FBXL13: variants seen among roughly 807,000 people sequenced by gnomAD.
FBXL13 encodes F-box and leucine-rich repeat protein 13.
FBXL13 carries 67 observed loss-of-function variants against 83.6 expected under a neutral mutation model. The ratio of observed to expected loss-of-function variants is 0.80; its 90% CI spans 0.66 to 0.98. The LOEUF is 0.98. Among genes scored for constraint, FBXL13 ranks in the 50% least tolerant of loss-of-function variants. The probability of loss-of-function intolerance (pLI) is 0.00; values close to 1 mark genes in which losing one functional copy is unlikely to be tolerated. For synonymous variants in FBXL13, 272 were observed against 299.5 expected (o/e 0.91, Z 0.95); for missense variants, 822 against 866.5 (o/e 0.95, Z 0.64).
intron 10 of FBXL13, 21 bp downstream of exon 11, chr7:102,926,253 T>C (rs935250023): frequency 5.6e-6 from 9 of 1,606,308 alleles, no homozygotes; most frequent in East Asian, 2.2e-5. Context: ...TTCAGTGTCA[T>C]ACAAATAACA....
chr7:103,030,442 G>A (rs879336179), intron 2 of FBXL13, among the ~76,000 whole-genome samples: 7 of 152,146 alleles, frequency 4.6e-5, no homozygotes, highest in South Asian at 2.1e-4. Context: ...GAATCCAGAT[G>A]AGTAAAGGAG....
At chr7:102,847,168 C>A (rs1305105432) in intron 17 of FBXL13, among the ~76,000 whole-genome samples, 1 of 151,652 alleles carries the variant, frequency 6.6e-6, no homozygotes, top group Non-Finnish European at 1.5e-5. Context: ...GCCTGCAAAG[C>A]CTAAAACAGA....
chr7:102,963,150 C>G (rs981003691), intron 8 of FBXL13, among the ~76,000 whole-genome samples: 5 of 151,368 alleles, frequency 3.3e-5, no homozygotes, highest in African/African-American at 1.2e-4. Context: ...GAAACCCTGT[C>G]TCTACTAAAA....
Position 102,881,573 on chromosome 7 carries a change from T to TGTG in FBXL13, c.1388+1729_1388+1731dup, listed in dbSNP as rs1554435357. Among the ~76,000 whole-genome samples, 561 of 110,876 alleles carry TGTG rather than the reference T, an allele frequency of 5.1e-3. 5 individuals are homozygous for TGTG. The highest frequency in any genetic ancestry group is 0.023 in the African/African-American group (554 of 23,688). 72.7% of individuals were successfully genotyped at this position (110,876 alleles called of 152,430 possible). On this transcript the variant is annotated intron_variant, in intron 14 of 19. Transcript: ENST00000313221. ...CACTTGTGTATGTAGTGTGTGTGTG[T>TGTG]GTGGGGGGGGTGGGTGTCTCACTGT... is the stretch of plus-strand genomic sequence containing the variant.
chr7:102,976,161 T>G lies in FBXL13; in HGVS notation c.496-8044A>C, dbSNP rs370983331. The G allele has an allele frequency of 6.4e-4, 488 of 766,278 alleles. 1 individual carries two copies. The highest frequency in any genetic ancestry group is 1.0e-3 in the Non-Finnish European group (431 of 417,890). 47.5% of individuals were successfully genotyped at this position (766,278 alleles called of 1,614,324 possible). On this transcript the variant is annotated intron_variant, in intron 6 of 19. Coordinates refer to ENST00000313221, the Ensembl canonical transcript of FBXL13. The stretch of plus-strand genomic sequence containing the variant: ...CAGCCTTGCCGCTGAAGACTGATAG[T>G]GCCTTGGAACAGACACCCCAGCAAC...
At chr7:103,015,892 C>G (rs1792249425) in intron 6 of FBXL13, among the ~76,000 whole-genome samples, 1 of 151,612 alleles carries the variant, frequency 6.6e-6, no homozygotes, top group Admixed American at 6.6e-5. Context: ...CAATTTCATT[C>G]ACAATAGCCA....
At chr7:102,941,601 T>C (rs912756664) in intron 8 of FBXL13, among the ~76,000 whole-genome samples, 2 of 152,240 alleles carry the variant, frequency 1.3e-5, no homozygotes, top group East Asian at 1.9e-4. Context: ...GGTGAACCCA[T>C]TGGATGGCTA....
intron 1 of FBXL13, among the ~76,000 whole-genome samples, chr7:103,059,914 G>T (rs1213527530): frequency 1.3e-5 from 2 of 150,888 alleles, no homozygotes; most frequent in Non-Finnish European, 3.0e-5. Flanking sequence ...AAAAAAGGGG[G>T]ATAATAAAGG....
At chr7:102,984,342 CTATCTACCTATCTATT>C (rs1009747466) in intron 6 of FBXL13, among the ~76,000 whole-genome samples, 3 of 152,172 alleles carry the variant, frequency 2.0e-5, no homozygotes, top group African/African-American at 7.2e-5. Flanking sequence ...ATATATATAA[CTATCTACCTATCTATT>C]TATCTACCTA....
At chr7:102,903,951 T>C (rs1019817017) in intron 11 of FBXL13, among the ~76,000 whole-genome samples, 8 of 145,992 alleles carry the variant, frequency 5.5e-5, no homozygotes, top group Admixed American at 2.0e-4. Flanking sequence ...TTTTTTTTTT[T>C]TTTTTTTTTT....
At chr7:102,928,954 C>A (rs148740719) in intron 9 of FBXL13, among the ~76,000 whole-genome samples, 7 of 152,126 alleles carry the variant, frequency 4.6e-5, no homozygotes, top group African/African-American at 1.7e-4. Context: ...CCATTTCTTG[C>A]GGATGACCCT....
At chr7:102,989,793 G>A (rs1207482590) in intron 6 of FBXL13, among the ~76,000 whole-genome samples, 3 of 152,186 alleles carry the variant, frequency 2.0e-5, no homozygotes, top group African/African-American at 4.8e-5. Flanking sequence ...ACTCAGATAC[G>A]GAAGAGGGTG....
intron 10 of FBXL13, among the ~76,000 whole-genome samples, chr7:102,915,726 C>T (rs1206876909): frequency 8.9e-6 from 1 of 112,044 alleles, no homozygotes; most frequent in African/African-American, 5.8e-5. Context: ...ACATAATTAC[C>T]AAATAAAAAA....
intron 18 of FBXL13, among the ~76,000 whole-genome samples, chr7:102,831,808 T>C (rs1490493683): frequency 6.6e-6 from 1 of 152,166 alleles, no homozygotes; most frequent in East Asian, 1.9e-4. Context: ...TCTCCTCTCC[T>C]GTTTTCCTTA....
intron 8 of FBXL13, among the ~76,000 whole-genome samples, chr7:102,946,252 CAAA>C (rs1392021202): frequency 6.6e-6 from 1 of 152,238 alleles, no homozygotes; most frequent in Non-Finnish European, 1.5e-5. Flanking sequence ...CTAATTCTCA[CAAA>C]ATCCCTCTGA....
At chr7:102,994,425 A>AG (rs1204264077) in intron 6 of FBXL13, among the ~76,000 whole-genome samples, 1 of 101,762 alleles carries the variant, frequency 9.8e-6, no homozygotes, top group East Asian at 2.4e-4. Context: ...ATTCTCCAAG[A>AG]GGAAAAAAAA....
Position 102,872,216 on chromosome 7 carries a change from A to G in FBXL13, c.1635+5251T>C, listed in dbSNP as rs548128293. Among the ~76,000 whole-genome samples the G allele has an allele frequency of 3.9e-5, 6 of 152,300 alleles. No homozygotes were observed. The East Asian group carries it at 1.2e-3, about 29-fold the overall frequency. On this transcript the variant is annotated intron_variant, in intron 16 of 19. Coordinates refer to ENST00000313221, the Ensembl canonical transcript of FBXL13. ...TCACCTCTATCACTATGCCTGCCCC[A>G]TCACATCTAAATTCCCCACACCCAC...
At chr7:102,938,487 C>T (rs1161270882) in intron 8 of FBXL13, among the ~76,000 whole-genome samples, 3 of 152,120 alleles carry the variant, frequency 2.0e-5, no homozygotes, top group African/African-American at 7.2e-5. Context: ...CTAATTTCCT[C>T]CTCAAAATCA....
At chr7:102,980,292 G>C (rs1828031985) in intron 6 of FBXL13, among the ~76,000 whole-genome samples, 1 of 152,186 alleles carries the variant, frequency 6.6e-6, no homozygotes, top group African/African-American at 2.4e-5. Flanking sequence ...TGAGAGACCA[G>C]AAATAAATCC....
Sources: allele counts gnomAD v4.1 joint callset (sites outside exome capture counted in the v4.1 genomes callset), GRCh38; gene constraint gnomAD v4.1.1; transcripts MANE v1.5; gene names NCBI Gene and HGNC (gene_info 2026-07-23, HGNC 2026-07-21).